Variants in GMDS observed in about 807,000 individuals in gnomAD.
The protein encoded by GMDS is GDP-mannose 4,6 dehydratase.
Under a neutral mutation model 49.9 loss-of-function variants are expected in GMDS, and 20 were observed. The observed-to-expected ratio is 0.40, with a 90% CI of 0.28 to 0.58. The LOEUF is 0.58. Ranked by LOEUF, GMDS falls within the 20% of genes least tolerant of loss-of-function variation. The probability of loss-of-function intolerance (pLI) is 0.42; values close to 1 mark genes in which losing one functional copy is unlikely to be tolerated. For missense variants in GMDS, 362 were observed against 481.4 expected, an observed-to-expected ratio of 0.75 and a Z score of 2.32; for synonymous variants, 177 against 178.6, an observed-to-expected ratio of 0.99 and a Z score of 0.07.
intron 1 of GMDS, among the ~76,000 whole-genome samples, chr6:2,229,646 T>C (rs1780987775): frequency 6.6e-6 from 1 of 152,122 alleles, no homozygotes. Context: ...TGTTCATCTT[T>C]CTCTCCTCTC....
chr6:1,678,035 T>G (rs1286902171), intron 9 of GMDS, among the ~76,000 whole-genome samples: 1 of 152,212 alleles, frequency 6.6e-6, no homozygotes. Context: ...CTTCTTTAAC[T>G]TTTTATATTT....
At chr6:1,717,116 C>T (rs1766203737) in intron 9 of GMDS, among the ~76,000 whole-genome samples, 1 of 152,186 alleles carries the variant, frequency 6.6e-6, no homozygotes, top group African/African-American at 2.4e-5. Context: ...AACTCTGGAG[C>T]CTCAACAAGG....
At position 2,005,629 on chromosome 6, in the gene GMDS, T is replaced by G. The variant is rs142561714; in HGVS notation, c.346-44663A>C. 4.8e-3 allele frequency among the ~76,000 whole-genome samples: 732 copies of G among 152,296 alleles called. 9 individuals carry two copies. The highest frequency in any genetic ancestry group is 0.016 in the African/African-American group (675 of 41,574). ...ATATCTTACCTTCTTGATCTTCCATTAATCCAGTACAACCTACCCATTTGT... is the reference window on the plus strand; with the variant it reads ...ATATCTTACCTTCTTGATCTTCCATGAATCCAGTACAACCTACCCATTTGT... On this transcript the variant is annotated intron_variant, in intron 4 of 10. Coordinates refer to ENST00000380815, the MANE Select transcript of GMDS (RefSeq NM_001500.4).
intron 4 of GMDS, among the ~76,000 whole-genome samples, chr6:2,040,089 T>A (rs945201822): frequency 6.6e-6 from 1 of 152,320 alleles, no homozygotes; most frequent in East Asian, 1.9e-4. Flanking sequence ...CAGTCCTTCA[T>A]TGACCAAAAT....
rs545495209 is a variant in GMDS at position 2,071,606 on chromosome 6, A to T, written c.345+44165T>A. On this transcript the variant is annotated intron_variant, in intron 4 of 10. Transcript: ENST00000380815. The stretch of plus-strand genomic sequence containing the variant: ...CCCAAAGGCAGCATCTCTAGCAAAG[A>T]AAAAGCATTGCATCTTCCTCAACAT... Among the ~76,000 whole-genome samples, 4 of 152,290 alleles carry T rather than the reference A, an allele frequency of 2.6e-5. No individual in the cohort carries two copies. The East Asian group carries it at 7.7e-4, about 29-fold the overall frequency.
chr6:2,220,361 A>C (rs1780528788), intron 1 of GMDS, among the ~76,000 whole-genome samples: 1 of 152,244 alleles, frequency 6.6e-6, no homozygotes, highest in South Asian at 2.1e-4. Context: ...CAGCTGGTAC[A>C]GATGTCTGGT....
rs548861577 is a variant in GMDS at position 1,918,309 on chromosome 6, T to C, written c.771+11794A>G. 5.9e-5 allele frequency among the ~76,000 whole-genome samples: 9 copies of C among 152,328 alleles called. No individual in the cohort carries two copies. The South Asian group carries it at 1.9e-3, about 32-fold the overall frequency. On this transcript the variant is annotated intron_variant, in intron 7 of 10. Transcript: ENST00000380815. ...AAAAAGGTTTCTGAATGAGCTGATG[T>C]CAATATCATCAAGTACTCCCATGGG... is the stretch of plus-strand genomic sequence containing the variant.
chr6:1,701,056 T>C (rs1765526582), intron 9 of GMDS, among the ~76,000 whole-genome samples: 1 of 152,150 alleles, frequency 6.6e-6, no homozygotes, highest in African/African-American at 2.4e-5. Context: ...CTTTAGGTAA[T>C]TAACTGTAGA....
intron 7 of GMDS, among the ~76,000 whole-genome samples, chr6:1,790,117 C>T (rs568875215): frequency 3.4e-4 from 52 of 152,204 alleles, no homozygotes; most frequent in African/African-American, 1.2e-3. Context: ...ATCCCGAAAA[C>T]CTCACTCTTT....
chr6:1,958,069 G>A (rs1441489509), intron 6 of GMDS, among the ~76,000 whole-genome samples: 1 of 149,408 alleles, frequency 6.7e-6, no homozygotes, highest in African/African-American at 2.5e-5. Flanking sequence ...GCTTCCCAGA[G>A]TTCTGGGATT....
At chr6:1,910,137 T>C (rs796124443) in intron 7 of GMDS, among the ~76,000 whole-genome samples, 7 of 152,340 alleles carry the variant, frequency 4.6e-5, no homozygotes, top group African/African-American at 1.4e-4. Context: ...GTTACATTTT[T>C]ACTTTTTATA....
At chr6:1,748,451 T>G (rs534214515) in intron 7 of GMDS, among the ~76,000 whole-genome samples, 1 of 152,374 alleles carries the variant, frequency 6.6e-6, no homozygotes, top group East Asian at 1.9e-4. Flanking sequence ...CCTGTTCACC[T>G]GATTGTTTTA....
intron 1 of GMDS, among the ~76,000 whole-genome samples, chr6:2,210,253 T>C (rs1780004233): frequency 6.6e-6 from 1 of 152,170 alleles, no homozygotes; most frequent in South Asian, 2.1e-4. Flanking sequence ...GCCAAGTTCA[T>C]CTCCATAAGC....
chr6:2,027,524 G>A (rs1768674413), intron 4 of GMDS, among the ~76,000 whole-genome samples: 1 of 152,164 alleles, frequency 6.6e-6, no homozygotes, highest in Non-Finnish European at 1.5e-5. Flanking sequence ...AAGTGTTAGG[G>A]TTTGGAATAG....
intron 4 of GMDS, among the ~76,000 whole-genome samples, chr6:1,962,667 C>T (rs543518488): frequency 6.6e-6 from 1 of 151,822 alleles, no homozygotes; most frequent in African/African-American, 2.4e-5. Flanking sequence ...TGCTTATCAG[C>T]CATTTGTATC....
chr6:2,020,236 T>C (rs892652397), intron 4 of GMDS, among the ~76,000 whole-genome samples: 1 of 152,080 alleles, frequency 6.6e-6, no homozygotes, highest in African/African-American at 2.4e-5. Flanking sequence ...AAAGTATGCA[T>C]AAAAATTGAA....
chr6:1,629,177 T>G (rs1414346798), intron 9 of GMDS, among the ~76,000 whole-genome samples: 1 of 152,224 alleles, frequency 6.6e-6, no homozygotes, highest in Admixed American at 6.5e-5. Context: ...CGACATCTCT[T>G]CTTGGGTGTA....
chr6:1,990,685 C>T (rs1168448924), intron 4 of GMDS, among the ~76,000 whole-genome samples: 1 of 152,114 alleles, frequency 6.6e-6, no homozygotes, highest in Non-Finnish European at 1.5e-5. Context: ...AGCAATCCTC[C>T]CACCTTAGCC....
chr6:2,040,411 A>G (rs933840940), intron 4 of GMDS, among the ~76,000 whole-genome samples: 1 of 152,234 alleles, frequency 6.6e-6, no homozygotes, highest in African/African-American at 2.4e-5. Context: ...GTGGGAAATT[A>G]GAGGCTAGTT....
Sources: gnomAD v4.1 joint callset for allele counts (sites outside exome capture counted in the v4.1 genomes callset) on GRCh38, gnomAD v4.1.1 for gene constraint, MANE v1.5 for transcripts, NCBI Gene and HGNC (gene_info 2026-07-23, HGNC 2026-07-21) for gene names.